MCPH1: variants seen among roughly 807,000 people sequenced by gnomAD.
MCPH1 encodes the protein microcephalin.
Under a neutral mutation model 84.5 loss-of-function variants are expected in MCPH1, and 104 were observed. The observed-to-expected ratio is 1.23, with a 90% CI of 1.05 to 1.45. MCPH1 has a LOEUF of 1.45. Ranked by LOEUF, MCPH1 falls within the 40% of genes most tolerant of loss-of-function variation. The probability of loss-of-function intolerance (pLI) is 0.00; values close to 1 mark genes in which losing one functional copy is unlikely to be tolerated. For missense variants in MCPH1, 1,498 were observed against 1,005.7 expected, an observed-to-expected ratio of 1.49 and a Z score of -6.62; for synonymous variants, 514 against 366.8, an observed-to-expected ratio of 1.40 and a Z score of -4.58.
At chr8:6,526,901 C>G (rs766663176) in intron 12 of MCPH1, among the ~76,000 whole-genome samples, 4 of 151,986 alleles carry the variant, frequency 2.6e-5, no homozygotes, top group Non-Finnish European at 2.9e-5. Flanking sequence ...TATTGTTGAT[C>G]TTGAGATTTT....
chr8:6,490,987 A>G (rs1279063492), intron 11 of MCPH1, among the ~76,000 whole-genome samples: 2 of 149,076 alleles, frequency 1.3e-5, no homozygotes, highest in Non-Finnish European at 3.0e-5. Flanking sequence ...CAATTATTTA[A>G]TATTAATATT....
chr8:6,512,005 A>G (rs988720268), intron 12 of MCPH1, among the ~76,000 whole-genome samples: 2 of 151,776 alleles, frequency 1.3e-5, no homozygotes, highest in Non-Finnish European at 1.5e-5. Context: ...GTGTCTCAAA[A>G]TTCATTGAAG....
intron 12 of MCPH1, among the ~76,000 whole-genome samples, chr8:6,592,623 G>GTTTTT (rs573651366): frequency 5.8e-4 from 45 of 77,556 alleles, no homozygotes; most frequent in South Asian, 1.1e-3. Context: ...TCTTTTTTTT[G>GTTTTT]TTTTTTTTTT....
chr8:6,527,899 A>ATTTTTTTTTTTTTTTTTTTTT (rs71213313), intron 12 of MCPH1, among the ~76,000 whole-genome samples: 1 of 133,122 alleles, frequency 7.5e-6, no homozygotes. Context: ...CCACGTCTCT[A>ATTTTTTTTTTTTTTTTTTTTT]TTTTTTTTTT....
chr8:6,633,396 A>T (rs769322881), intron 13 of MCPH1, among the ~76,000 whole-genome samples: 22 of 152,360 alleles, frequency 1.4e-4, no homozygotes, highest in Admixed American at 2.6e-4. Context: ...AACAATTATA[A>T]AATGTAACAG....
At chr8:6,591,891 G>A (rs910637511) in intron 12 of MCPH1, among the ~76,000 whole-genome samples, 1 of 152,092 alleles carries the variant, frequency 6.6e-6, no homozygotes, top group Non-Finnish European at 1.5e-5. Flanking sequence ...GGTATATCGT[G>A]TTCACTGTAA....
At chr8:6,623,239 C>T (rs1042576589) in intron 13 of MCPH1, among the ~76,000 whole-genome samples, 2 of 152,086 alleles carry the variant, frequency 1.3e-5, no homozygotes, top group African/African-American at 4.8e-5. Flanking sequence ...AAGACATCGA[C>T]ATACGAATTT....
chr8:6,462,801 G>GT (rs1806430300), intron 9 of MCPH1, among the ~76,000 whole-genome samples: 1 of 152,220 alleles, frequency 6.6e-6, no homozygotes, highest in Non-Finnish European at 1.5e-5. Flanking sequence ...CATGCAAAGA[G>GT]TTTAAGATAG....
chr8:6,433,689 T>C (rs1038041607), intron 4 of MCPH1, among the ~76,000 whole-genome samples: 1 of 150,974 alleles, frequency 6.6e-6, no homozygotes, highest in Non-Finnish European at 1.5e-5. Context: ...ATATTGGATG[T>C]TACTAATCTT....
rs74853784 is a variant in MCPH1 at position 6,609,333 on chromosome 8, C to T, written c.2215-12121C>T. On this transcript the variant is annotated intron_variant, in intron 12 of 13. Coordinates refer to ENST00000344683, the MANE Select transcript of MCPH1 (RefSeq NM_024596.5). The stretch of plus-strand genomic sequence containing the variant: ...ATCGGGGACAGAAACCTACCGCGTT[C>T]GAGTTTTGACATATTTCTCGCAGTT... Among the ~76,000 whole-genome samples, 322 of 152,262 alleles carry T rather than the reference C, an allele frequency of 2.1e-3. 4 individuals are homozygous for T. The highest frequency in any genetic ancestry group is 9.1e-3 in the East Asian group (47 of 5,176).
chr8:6,547,839 C>G (rs1398288748), intron 12 of MCPH1, among the ~76,000 whole-genome samples: 3 of 151,786 alleles, frequency 2.0e-5, no homozygotes, highest in Non-Finnish European at 4.4e-5. Flanking sequence ...AGAGGTTTTC[C>G]TATTGTTAGG....
chr8:6,431,662 A>T (rs1175738980), intron 4 of MCPH1, 76 bp downstream of exon 4: 5 of 979,188 alleles, frequency 5.1e-6, no homozygotes, highest in Non-Finnish European at 6.3e-6. Flanking sequence ...TAGAAAATAA[A>T]ACTTCTAGAA....
intron 4 of MCPH1, 123 bp downstream of exon 4, chr8:6,431,709 A>G (rs1801868494): frequency 3.0e-6 from 2 of 661,516 alleles, no homozygotes; most frequent in Non-Finnish European, 2.6e-6. Flanking sequence ...GCTATTGATG[A>G]TATTGTTCTT....
intron 10 of MCPH1, among the ~76,000 whole-genome samples, chr8:6,478,791 T>C (rs186410681): frequency 2.0e-5 from 3 of 152,210 alleles, no homozygotes; most frequent in Admixed American, 6.5e-5. Flanking sequence ...GTTTAATTAT[T>C]TTTCTTGACT....
At chr8:6,458,818 A>G (rs182746487) in intron 9 of MCPH1, among the ~76,000 whole-genome samples, 108 of 151,936 alleles carry the variant, frequency 7.1e-4, no homozygotes, top group Admixed American at 1.3e-3. Flanking sequence ...CTAATTTTTT[A>G]AGTTTTTTGT....
At chr8:6,582,087 G>C (rs1276596156) in intron 12 of MCPH1, among the ~76,000 whole-genome samples, 2 of 152,206 alleles carry the variant, frequency 1.3e-5, no homozygotes, top group Admixed American at 6.5e-5. Context: ...TAGGTAACCT[G>C]CAGTGCTTGG....
At chr8:6,412,187 C>G (rs1184842410) in intron 2 of MCPH1, among the ~76,000 whole-genome samples, 1 of 152,096 alleles carries the variant, frequency 6.6e-6, no homozygotes, top group Non-Finnish European at 1.5e-5. Context: ...AGGGCCTGCA[C>G]TGCAGGAGGG....
At position 6,513,020 on chromosome 8, in the gene MCPH1, G is replaced by T. The variant is rs149586640; in HGVS notation, c.2214+13091G>T. Among the ~76,000 whole-genome samples, 103 of 152,306 alleles carry T rather than the reference G, an allele frequency of 6.8e-4. 3 individuals carry two copies. In the East Asian group the frequency reaches 0.019, roughly 28 times the overall value. On this transcript the variant is annotated intron_variant, in intron 12 of 13. Coordinates refer to ENST00000344683, the MANE Select transcript of MCPH1 (RefSeq NM_024596.5). Reference sequence around the variant, plus strand: ...TTGGAATAAAACAGCACAGTCACAAGTATCCATCATTTATGCTATTCATGT... The same window carrying T: ...TTGGAATAAAACAGCACAGTCACAATTATCCATCATTTATGCTATTCATGT...
At chr8:6,581,521 A>C (rs1827563487) in intron 12 of MCPH1, among the ~76,000 whole-genome samples, 1 of 152,242 alleles carries the variant, frequency 6.6e-6, no homozygotes, top group East Asian at 1.9e-4. Flanking sequence ...CTGTAATTTA[A>C]ACATCAGGAT....
Sources: gnomAD v4.1 joint callset for allele counts (sites outside exome capture counted in the v4.1 genomes callset) on GRCh38, gnomAD v4.1.1 for gene constraint, MANE v1.5 for transcripts, NCBI Gene and HGNC (gene_info 2026-07-23, HGNC 2026-07-21) for gene names.